PKIB: variants seen among roughly 807,000 people sequenced by gnomAD.
The protein encoded by PKIB is PKI-beta.
Under a neutral mutation model 4.5 loss-of-function variants are expected in PKIB, and 2 were observed. The observed-to-expected ratio is 0.44, with a 90% CI of 0.18 to 1.39. The LOEUF is 1.39. PKIB is among the 40% of genes most tolerant of loss of function. The pLI, the probability that PKIB is intolerant of heterozygous loss-of-function variation, is 0.27. For missense variants in PKIB, 94 were observed against 92.6 expected, an observed-to-expected ratio of 1.02 and a Z score of -0.06; for synonymous variants, 38 against 36.0, an observed-to-expected ratio of 1.06 and a Z score of -0.20.
At chr6:122,490,529 C>A (rs1166935381) in intron 2 of PKIB, among the ~76,000 whole-genome samples, 1 of 152,014 alleles carries the variant, frequency 6.6e-6, no homozygotes, top group Non-Finnish European at 1.5e-5. Flanking sequence ...ACCATCCTCT[C>A]GGTGATGAGT....
chr6:122,663,082 C>T (rs1318420582), intron 2 of PKIB, among the ~76,000 whole-genome samples: 1 of 152,166 alleles, frequency 6.6e-6, no homozygotes, highest in Non-Finnish European at 1.5e-5. Context: ...TGTGTTGAAA[C>T]TTCTGGGCAT....
rs139906986 is a variant in PKIB at position 122,647,949 on chromosome 6, T to C, written c.-76+14582T>C. Among the ~76,000 whole-genome samples the C allele has an allele frequency of 1.2e-3, 186 of 152,350 alleles. 8 individuals are homozygous for C. The East Asian group carries it at 0.028, about 23-fold the overall frequency. The stretch of plus-strand genomic sequence containing the variant: ...AGCAGTCCTGTCTGAATTGAATTAT[T>C]GTGGTTTTCTTCACAGAATGTGGTA... On this transcript the variant is annotated intron_variant, in intron 2 of 4. Transcript: ENST00000368452.
At chr6:122,657,895 G>A (rs1052911696) in intron 2 of PKIB, among the ~76,000 whole-genome samples, 5 of 152,204 alleles carry the variant, frequency 3.3e-5, no homozygotes, top group African/African-American at 1.2e-4. Flanking sequence ...TAAAGATAAG[G>A]GTTTTGTCAT....
At chr6:122,601,845 G>T (rs1253118613) in intron 3 of PKIB, among the ~76,000 whole-genome samples, 1 of 152,094 alleles carries the variant, frequency 6.6e-6, no homozygotes, top group African/African-American at 2.4e-5. Context: ...ATTAGTAGTT[G>T]TGTTCTGGGG....
intron 1 of PKIB, among the ~76,000 whole-genome samples, chr6:122,629,005 G>T (rs1444415650): frequency 6.6e-6 from 1 of 152,276 alleles, no homozygotes; most frequent in East Asian, 1.9e-4. Context: ...CTCAGTGCAG[G>T]TTCTTTATGC....
intron 2 of PKIB, among the ~76,000 whole-genome samples, chr6:122,650,656 G>A (rs1776516619): frequency 1.3e-5 from 2 of 152,112 alleles, no homozygotes; most frequent in South Asian, 4.1e-4. Context: ...CAGTTCAGTG[G>A]CAGCAATTCC....
intron 2 of PKIB, among the ~76,000 whole-genome samples, chr6:122,510,772 C>G (rs1034496947): frequency 3.9e-5 from 6 of 152,092 alleles, no homozygotes; most frequent in African/African-American, 1.4e-4. Context: ...CTGTTTGACC[C>G]AGATAAGGTG....
At chr6:122,588,465 G>A (rs1773920055) in intron 3 of PKIB, among the ~76,000 whole-genome samples, 1 of 152,172 alleles carries the variant, frequency 6.6e-6, no homozygotes, top group Admixed American at 6.5e-5. Flanking sequence ...AGCCTGCATT[G>A]CCAAGTCAAT....
At chr6:122,514,666 T>C (rs193201044) in intron 2 of PKIB, among the ~76,000 whole-genome samples, 91 of 152,312 alleles carry the variant, frequency 6.0e-4, no homozygotes, top group Non-Finnish European at 2.9e-4. Flanking sequence ...ATAGGAAATA[T>C]TGCTTTAGAG....
At chr6:122,517,984 GC>G (rs1776814567) in intron 2 of PKIB, among the ~76,000 whole-genome samples, 1 of 152,118 alleles carries the variant, frequency 6.6e-6, no homozygotes, top group Non-Finnish European at 1.5e-5. Context: ...AGTCATATTT[GC>G]TTCAGCCTCA....
intron 2 of PKIB, among the ~76,000 whole-genome samples, chr6:122,524,953 C>G (rs1777056158): frequency 6.6e-6 from 1 of 150,484 alleles, no homozygotes; most frequent in Non-Finnish European, 1.5e-5. Context: ...TTTGCCTATT[C>G]TTGCTTTATT....
At chr6:122,581,042 A>T (rs953520117) in intron 2 of PKIB, among the ~76,000 whole-genome samples, 1 of 152,182 alleles carries the variant, frequency 6.6e-6, no homozygotes, top group African/African-American at 2.4e-5. Flanking sequence ...CAGGCTGGAG[A>T]TATACCTCGA....
At chr6:122,557,977 A>AT (rs34901724) in intron 2 of PKIB, among the ~76,000 whole-genome samples, 1 of 151,904 alleles carries the variant, frequency 6.6e-6, no homozygotes, top group African/African-American at 2.4e-5. Flanking sequence ...CAAGCTCCCG[A>AT]TTTTTTTTGG....
intron 3 of PKIB, chr6:122,701,464 C>G: frequency 6.3e-7 from 1 of 1,590,378 alleles, no homozygotes. Flanking sequence ...GATCACCTGC[C>G]AAACACAGGC....
intron 3 of PKIB, among the ~76,000 whole-genome samples, chr6:122,710,706 A>G (rs1376687826): frequency 6.6e-6 from 1 of 152,206 alleles, no homozygotes; most frequent in Non-Finnish European, 1.5e-5. Flanking sequence ...ACAGACTGCC[A>G]GTTAAGGCAT....
chr6:122,713,487 T>G (rs772073177), intron 3 of PKIB, among the ~76,000 whole-genome samples: 1 of 152,158 alleles, frequency 6.6e-6, no homozygotes, highest in Non-Finnish European at 1.5e-5. Context: ...CACAAGCCAT[T>G]TGAAGAGAGC....
chr6:122,705,727 A>T (rs1225407248), intron 3 of PKIB, among the ~76,000 whole-genome samples: 1 of 151,776 alleles, frequency 6.6e-6, no homozygotes, highest in Non-Finnish European at 1.5e-5. Flanking sequence ...CACCACGCCC[A>T]GCTAATTTTT....
chr6:122,722,088 G>A (rs1779767293), intron 4 of PKIB, among the ~76,000 whole-genome samples: 1 of 152,088 alleles, frequency 6.6e-6, no homozygotes, highest in Admixed American at 6.6e-5. Context: ...TATGCAGAAG[G>A]TTGAAGAATA....
intron 3 of PKIB, among the ~76,000 whole-genome samples, chr6:122,686,559 A>G (rs1778099122): frequency 6.6e-6 from 1 of 151,848 alleles, no homozygotes; most frequent in Non-Finnish European, 1.5e-5. Flanking sequence ...GTGCAGTGGC[A>G]TGATCATGGC....
Sources: allele counts gnomAD v4.1 joint callset (sites outside exome capture counted in the v4.1 genomes callset), GRCh38; gene constraint gnomAD v4.1.1; transcripts MANE v1.5; gene names NCBI Gene and HGNC (gene_info 2026-07-23, HGNC 2026-07-21).